DMD: variants seen among roughly 807,000 people sequenced by gnomAD.
The protein encoded by DMD is dystrophin, also known as mutant dystrophin.
A neutral mutation model predicts 330.1 loss-of-function variants in DMD; 63 were observed. The ratio of observed to expected loss-of-function variants is 0.19; its 90% CI spans 0.16 to 0.24. The LOEUF is 0.24. Among genes scored for constraint, DMD ranks in the 10% least tolerant of loss-of-function variants. The pLI is 1.00. For missense variants in DMD, 3,344 were observed against 2,684.1 expected, an observed-to-expected ratio of 1.25 and a Z score of -5.43; for synonymous variants, 1,223 against 959.8, an observed-to-expected ratio of 1.27 and a Z score of -5.07.
chrX:33,234,839 C>A (rs1175422171), intron 1 of DMD, among the ~76,000 whole-genome samples: 1 of 111,165 alleles, frequency 9.0e-6, no homozygotes, highest in African/African-American at 3.3e-5. Flanking sequence ...GGGTTTAGAT[C>A]CCTCCTGGCC....
Position 32,411,938 on chromosome X carries a change from T to G in DMD, c.4072-25A>C, listed in dbSNP as rs373976293. ...CCTAAAAAGAAGGAATAAGAGTGTA[T>G]CAGTTAAATGTTTACTCTTGATAGC... On this transcript the variant is annotated intron_variant, in intron 29 of 78. Transcript: ENST00000357033. 1.5e-4 allele frequency: 177 copies of G among 1,204,058 alleles called. 1 individual carries two copies. The African/African-American group carries it at 2.7e-3, about 18-fold the overall frequency.
At chrX:32,629,087 A>G (rs1322852335) in intron 11 of DMD, among the ~76,000 whole-genome samples, 3 of 111,605 alleles carry the variant, frequency 2.7e-5, no homozygotes. Context: ...TGTCTGGATG[A>G]TCTATCTGGC....
At chrX:31,713,136 T>A (rs1387426329) in intron 52 of DMD, among the ~76,000 whole-genome samples, 1 of 111,923 alleles carries the variant, frequency 8.9e-6, no homozygotes, top group African/African-American at 3.2e-5. Flanking sequence ...CTCAGTACTG[T>A]CACTGTTAGA....
intron 8 of DMD, 138 bp from the exon 9 acceptor site, chrX:32,698,136 A>T (rs2063792133): frequency 3.1e-6 from 2 of 645,186 alleles, no homozygotes; most frequent in Non-Finnish European, 4.6e-6. Context: ...TACTAAACAT[A>T]TATAAATGAT....
chrX:32,969,027 CAAAAAAAAAAAAAAAAAA>C (rs142087164), intron 2 of DMD, among the ~76,000 whole-genome samples: 22 of 19,821 alleles, frequency 1.1e-3, no homozygotes, highest in African/African-American at 3.1e-3. Flanking sequence ...GATTCTGTCT[CAAAAAAAAAAAAAAAAAA>C]AAAAAAAAAA....
At chrX:31,494,499 A>G (rs2069637921) in intron 57 of DMD, among the ~76,000 whole-genome samples, 1 of 111,813 alleles carries the variant, frequency 8.9e-6, no homozygotes. Flanking sequence ...GAAATTCACG[A>G]AAGGTTAACA....
intron 5 of DMD, 139 bp from the exon 6 acceptor site, chrX:32,816,779 C>A: frequency 1.7e-6 from 1 of 572,526 alleles, no homozygotes; most frequent in East Asian, 3.6e-5. Context: ...ATAGATTCTA[C>A]CAGAAGTTAA....
chrX:32,653,473 T>C lies in DMD; in HGVS notation c.961-8321A>G, dbSNP rs776281441. Among the ~76,000 whole-genome samples, 184 of 111,817 alleles carry C rather than the reference T, an allele frequency of 1.6e-3. 2 individuals are homozygous for C. Among genetic ancestry groups the C allele is most frequent in the African/African-American group, 5.7e-3 (174 of 30,741 alleles). On this transcript the variant is annotated intron_variant, in intron 9 of 78. Coordinates refer to ENST00000357033, the MANE Select transcript of DMD (RefSeq NM_004006.3). ...GTCAAAGATCAGATAGTAGTAGATA[T>C]GTGGCATTATTTCTGAGGGCTTTGT...
intron 37 of DMD, among the ~76,000 whole-genome samples, chrX:32,359,916 A>G (rs1160388276): frequency 1.8e-5 from 2 of 110,639 alleles, no homozygotes; most frequent in Non-Finnish European, 3.8e-5. Context: ...TATTTTAAAT[A>G]ATAATATTTT....
At chrX:32,777,003 TA>T (rs970995265) in intron 7 of DMD, among the ~76,000 whole-genome samples, 1 of 109,367 alleles carries the variant, frequency 9.1e-6, no homozygotes, top group Non-Finnish European at 1.9e-5. Flanking sequence ...AAATGGGTCA[TA>T]AAAAAGTATA....
chrX:32,457,124 T>C (rs148140704), intron 25 of DMD, among the ~76,000 whole-genome samples: 1,648 of 108,274 alleles, frequency 0.015, 17 homozygotes, highest in Non-Finnish European at 0.023. Context: ...GTCAGGGCAA[T>C]AGAACCACCA....
At chrX:31,214,160 T>C (rs753671524) in intron 64 of DMD, among the ~76,000 whole-genome samples, 2 of 112,601 alleles carry the variant, frequency 1.8e-5, no homozygotes, top group South Asian at 7.3e-4. Context: ...CTATCATTTT[T>C]GAGAAATGGG....
chrX:32,655,647 T>C (rs756697746), intron 9 of DMD, among the ~76,000 whole-genome samples: 1 of 112,188 alleles, frequency 8.9e-6, no homozygotes, highest in South Asian at 3.7e-4. Context: ...TGTAGATGTC[T>C]ATGAGGTCCG....
Position 33,000,346 on chromosome X carries a change from G to T in DMD, c.93+19793C>A, listed in dbSNP as rs891700312. Among the ~76,000 whole-genome samples the T allele has an allele frequency of 6.3e-5, 7 of 111,926 alleles. No individual in the cohort carries two copies. The East Asian group carries it at 2.0e-3, about 31-fold the overall frequency. On this transcript the variant is annotated intron_variant, in intron 2 of 78. Transcript: ENST00000357033. The stretch of plus-strand genomic sequence containing the variant: ...TTTATGCATTTTATATCAACTATAT[G>T]TAATTGTTTCAAATTAAGATTTTAG...
intron 61 of DMD, among the ~76,000 whole-genome samples, chrX:31,332,895 G>A (rs2057209776): frequency 9.0e-6 from 1 of 111,641 alleles, no homozygotes; most frequent in African/African-American, 3.3e-5. Flanking sequence ...TCTCATTCAC[G>A]AACTTACTGC....
chrX:31,462,694 C>T (rs781561721), intron 59 of DMD, among the ~76,000 whole-genome samples: 44 of 111,525 alleles, frequency 3.9e-4, no homozygotes, highest in African/African-American at 1.2e-3. Flanking sequence ...TCAGGGTCTG[C>T]GTTCATGGAA....
intron 44 of DMD, among the ~76,000 whole-genome samples, chrX:32,103,856 T>C (rs893376349): frequency 4.5e-5 from 5 of 111,662 alleles, no homozygotes; most frequent in South Asian, 3.7e-4. Flanking sequence ...TAACCTTTTT[T>C]CCCCCCAGTG....
At chrX:32,144,506 C>T (rs927190821) in intron 44 of DMD, among the ~76,000 whole-genome samples, 9 of 111,502 alleles carry the variant, frequency 8.1e-5, no homozygotes, top group Non-Finnish European at 1.5e-4. Flanking sequence ...ATTAATAGCA[C>T]TTTAAAGTAA....
chrX:32,027,673 T>C (rs113622739), intron 44 of DMD, among the ~76,000 whole-genome samples: 1,167 of 112,089 alleles, frequency 0.01, 9 homozygotes, highest in Middle Eastern at 0.028. Flanking sequence ...CAGCCTCTTA[T>C]TTCACAAAAG....
Sources: allele counts gnomAD v4.1 joint callset (sites outside exome capture counted in the v4.1 genomes callset), GRCh38; gene constraint gnomAD v4.1.1; transcripts MANE v1.5; gene names NCBI Gene and HGNC (gene_info 2026-07-23, HGNC 2026-07-21).